IRAG2: variants seen among roughly 807,000 people sequenced by gnomAD.
IRAG2 encodes inositol 1,4,5-triphosphate receptor associated 2, also known as lymphoid restricted membrane protein.
IRAG2 carries 45 observed loss-of-function variants against 69.9 expected under a neutral mutation model. The ratio of observed to expected loss-of-function variants is 0.64; its 90% confidence interval spans 0.51 to 0.83. The LOEUF (loss-of-function observed/expected upper bound fraction) is 0.83, where lower values mean the gene tolerates loss of function less well. Among genes scored for constraint, IRAG2 ranks in the 40% least tolerant of loss-of-function variants. IRAG2 has a pLI of 0.00. For synonymous variants in IRAG2, 193 were observed against 202.4 expected, an observed-to-expected ratio of 0.95 and a Z score of 0.40; for missense variants, 520 against 587.0, an observed-to-expected ratio of 0.89 and a Z score of 1.18.
chr12:25,104,557 T>C (rs1470249971), intron 20 of IRAG2, 95 bp downstream of exon 20: 1 of 733,632 alleles, frequency 1.4e-6, no homozygotes, highest in Non-Finnish European at 2.5e-6. Flanking sequence ...TAATGCTGTA[T>C]AATTAAAAAG....
At chr12:25,054,426 CTAAGAA>C (rs1945095703) in intron 1 of IRAG2, among the ~76,000 whole-genome samples, 2 of 152,168 alleles carry the variant, frequency 1.3e-5, no homozygotes. Flanking sequence ...TTATAAACTA[CTAAGAA>C]TTTGTTCCCC....
At chr12:25,050,179 G>A (rs1410110479), upstream of IRAG2, among the ~76,000 whole-genome samples, 1 of 151,426 alleles carries the variant, frequency 6.6e-6, no homozygotes, top group Non-Finnish European at 1.5e-5. Context: ...AGGATGTAGA[G>A]ATATTGGAGT....
At chr12:25,100,208 AAAGG>A (rs1489165527) in intron 15 of IRAG2, among the ~76,000 whole-genome samples, 2 of 151,978 alleles carry the variant, frequency 1.3e-5, no homozygotes, top group Admixed American at 1.3e-4. Flanking sequence ...AGGAAGTTGG[AAAGG>A]AAGGAAGGAG....
intron 7 of IRAG2, chr12:25,023,849 T>A: frequency 8.5e-7 from 1 of 1,179,140 alleles, no homozygotes; most frequent in South Asian, 4.3e-5. Context: ...ATATTTTAAT[T>A]ATTTTTCTCA....
At chr12:25,073,918 G>A (rs564593519) in intron 6 of IRAG2, among the ~76,000 whole-genome samples, 6 of 152,272 alleles carry the variant, frequency 3.9e-5, no homozygotes, top group South Asian at 2.1e-4. Context: ...TCTGCATGAC[G>A]GATATACCAG....
intron 12 of IRAG2, among the ~76,000 whole-genome samples, chr12:25,033,405 G>A (rs970509900): frequency 6.6e-6 from 1 of 152,188 alleles, no homozygotes; most frequent in Non-Finnish European, 1.5e-5. Flanking sequence ...AATGAGTAAA[G>A]CTAATGGAAT....
intron 6 of IRAG2, chr12:25,076,523 G>T (rs892614128): frequency 4.1e-6 from 4 of 984,762 alleles, no homozygotes; most frequent in Middle Eastern, 5.2e-4. Flanking sequence ...TTTTGAAAAG[G>T]TTTGCAGAAA....
At chr12:25,080,923 C>G (rs7976264) in intron 9 of IRAG2, among the ~76,000 whole-genome samples, 137,269 of 152,236 alleles carry the variant, frequency 0.9, 61,973 homozygotes, top group East Asian at 1. Context: ...TGTAGGGAAT[C>G]TAACTTTTTG....
chr12:25,077,318 AT>A, intron 6 of IRAG2, among the ~76,000 whole-genome samples: 2 of 34,464 alleles, frequency 5.8e-5, no homozygotes, highest in Admixed American at 3.6e-4. Flanking sequence ...GATATATATG[AT>A]ATATATATGA....
chr12:25,098,137 T>C (rs1948533851), intron 15 of IRAG2, among the ~76,000 whole-genome samples: 2 of 152,208 alleles, frequency 1.3e-5, no homozygotes, highest in African/African-American at 4.8e-5. Context: ...TCTTGCTTTG[T>C]CTTACTCATT....
chr12:25,038,618 G>A (rs1458307162), intron 16 of IRAG2, among the ~76,000 whole-genome samples: 11 of 149,656 alleles, frequency 7.4e-5, no homozygotes, highest in Non-Finnish European at 1.2e-4. Context: ...TCCAGCCTGG[G>A]TGACAGAGTG....
At chr12:25,023,886 G>C (rs1944602156) in exon 8 of IRAG2, 1 of 1,227,774 alleles carries the variant, frequency 8.1e-7, no homozygotes, top group African/African-American at 1.6e-5. Flanking sequence ...AGAAAACCGG[G>C]CTCTGATTCT....
At chr12:25,052,382 G>A, upstream of IRAG2, 1 of 398,388 alleles carries the variant, frequency 2.5e-6, no homozygotes, top group Admixed American at 4.4e-5. Flanking sequence ...TAGATTCAGG[G>A]GACATCTCCT....
At chr12:25,032,406 G>A in intron 12 of IRAG2, 1 of 398,942 alleles carries the variant, frequency 2.5e-6, no homozygotes, top group Non-Finnish European at 4.4e-6. Flanking sequence ...CTCCTCTCTT[G>A]TTCCTCTACC....
chr12:25,068,344 G>A (rs149112618), intron 5 of IRAG2, among the ~76,000 whole-genome samples: 3 of 152,280 alleles, frequency 2.0e-5, no homozygotes, highest in South Asian at 2.1e-4. Context: ...GAAATGTCTC[G>A]AGCACAGGAG....
Position 25,108,222 on chromosome 12 carries a change from T to C in IRAG2, c.*162T>C, listed in dbSNP as rs1282454205. ...CTCTTTTTGCCTTTATCTCCCCAAC[T>C]AAAATACAATGGGGAAGAAGTCTGC... On this transcript the variant is annotated 3_prime_UTR_variant, in exon 22 of 22. Coordinates refer to ENST00000556887, the MANE Select transcript of IRAG2 (RefSeq NM_001366544.2). 16 of 715,792 alleles carry C rather than the reference T, an allele frequency of 2.2e-5. No individual in the cohort carries two copies. In the African/African-American group the frequency reaches 2.5e-4, roughly 11 times the overall value. 44.3% of individuals were successfully genotyped at this position (715,792 alleles called of 1,614,324 possible).
chr12:25,017,403 T>C (rs1288858301), intron 6 of IRAG2: 4 of 998,534 alleles, frequency 4.0e-6, no homozygotes, highest in Non-Finnish European at 3.9e-6. Context: ...TCTCTTAAAG[T>C]ATACAATTCA....
chr12:25,034,035 A>G (rs1944688238), intron 13 of IRAG2: 1 of 396,962 alleles, frequency 2.5e-6, no homozygotes, highest in African/African-American at 2.1e-5. Flanking sequence ...CAGCTTGCCA[A>G]AAACTACCAG....
chr12:25,079,093 C>G, intron 6 of IRAG2, 151 bp from the exon 7 acceptor site: 1 of 704,820 alleles, frequency 1.4e-6, no homozygotes, highest in Non-Finnish European at 2.5e-6. Flanking sequence ...TATCCATCTG[C>G]CCTATACCAT....
Sources: gnomAD v4.1 joint callset for allele counts (sites outside exome capture counted in the v4.1 genomes callset) on GRCh38, gnomAD v4.1.1 for gene constraint, MANE v1.5 for transcripts, NCBI Gene and HGNC (gene_info 2026-07-23, HGNC 2026-07-21) for gene names.